Variants in CEP63 observed in about 807,000 individuals in gnomAD.
The protein encoded by CEP63 is centrosomal protein 63.
Under a neutral mutation model 89.1 loss-of-function variants are expected in CEP63, and 84 were observed. That is an observed-to-expected ratio of 0.94 (90% CI 0.79 to 1.13). The LOEUF (loss-of-function observed/expected upper bound fraction) is 1.13, where lower values mean the gene tolerates loss of function less well. Ranked by LOEUF, CEP63 falls within the 50% of genes most tolerant of loss-of-function variation. The pLI, the probability that CEP63 is intolerant of heterozygous loss-of-function variation, is 0.00. For missense variants in CEP63, 838 were observed against 813.3 expected, an observed-to-expected ratio of 1.03 and a Z score of -0.37; for synonymous variants, 267 against 272.5, an observed-to-expected ratio of 0.98 and a Z score of 0.20.
At chr3:134,649,385 G>A in the CEP63 span, among the ~76,000 whole-genome samples, 3 of 152,280 alleles carry the variant, frequency 2.0e-5, no homozygotes, top group South Asian at 6.2e-4. Context: ...GCCTTTAGAA[G>A]TGATGTGATC....
chr3:134,644,239 A>T, the CEP63 span, among the ~76,000 whole-genome samples: 7 of 152,198 alleles, frequency 4.6e-5, no homozygotes, highest in Non-Finnish European at 7.3e-5. Context: ...CAGGGCATGC[A>T]CGCTACACAC....
the CEP63 span, among the ~76,000 whole-genome samples, chr3:134,597,026 G>T: frequency 2.9e-3 from 441 of 152,286 alleles, 1 homozygote; most frequent in Admixed American, 6.5e-3. Flanking sequence ...TACATGGACT[G>T]CCTGGTGTCA....
intron 6 of CEP63, among the ~76,000 whole-genome samples, chr3:134,544,781 G>A (rs530750941): frequency 5.3e-5 from 8 of 152,068 alleles, no homozygotes; most frequent in African/African-American, 1.9e-4. Context: ...TTGAATTTCT[G>A]TGTGAGTAGG....
chr3:134,692,694 C>T, the CEP63 span, among the ~76,000 whole-genome samples: 2 of 152,294 alleles, frequency 1.3e-5, no homozygotes, highest in African/African-American at 4.8e-5. Context: ...TGAGAAGCAC[C>T]AGTTCAAGAT....
the CEP63 span, among the ~76,000 whole-genome samples, chr3:134,716,000 T>C: frequency 6.6e-6 from 1 of 152,048 alleles, no homozygotes; most frequent in African/African-American, 2.4e-5. Flanking sequence ...TCACTATTAA[T>C]CCCCTATAAT....
chr3:134,714,074 G>A, the CEP63 span, among the ~76,000 whole-genome samples: 56 of 152,158 alleles, frequency 3.7e-4, 1 homozygote, highest in Non-Finnish European at 5.9e-5. Flanking sequence ...AGCGGGGAGA[G>A]GGCTTTCAAC....
chr3:134,589,467 T>C (rs1958555387), downstream of CEP63, among the ~76,000 whole-genome samples: 1 of 151,908 alleles, frequency 6.6e-6, no homozygotes, highest in African/African-American at 2.4e-5. Flanking sequence ...TAATACCTAC[T>C]ACCATCATAA....
At chr3:134,555,561 T>TA (rs1242077998) in intron 12 of CEP63, among the ~76,000 whole-genome samples, 1 of 151,608 alleles carries the variant, frequency 6.6e-6, no homozygotes, top group African/African-American at 2.4e-5. Context: ...GAATCCAACT[T>TA]ACAAGGGATG....
At chr3:134,675,899 G>A in the CEP63 span, among the ~76,000 whole-genome samples, 291 of 152,352 alleles carry the variant, frequency 1.9e-3, 3 homozygotes, top group African/African-American at 6.8e-3. Flanking sequence ...TGGCAAAGAT[G>A]CAGAGAAATT....
At chr3:134,641,125 TCC>T in the CEP63 span, 1 of 152,390 alleles carries the variant, frequency 6.6e-6, no homozygotes, top group Non-Finnish European at 1.5e-5. Flanking sequence ...TGGAAGCTCT[TCC>T]CCAGATACCC....
the CEP63 span, among the ~76,000 whole-genome samples, chr3:134,661,659 A>C: frequency 2.0e-4 from 30 of 152,172 alleles, no homozygotes; most frequent in Non-Finnish European, 2.8e-4. Flanking sequence ...CTTTCTGGGA[A>C]GATATTATGA....
the CEP63 span, among the ~76,000 whole-genome samples, chr3:134,746,085 A>T: frequency 6.9e-6 from 1 of 145,974 alleles, no homozygotes; most frequent in African/African-American, 2.5e-5. Flanking sequence ...CCACCCCATG[A>T]CAGGCCCTGG....
At chr3:134,601,363 C>T in the CEP63 span, among the ~76,000 whole-genome samples, 1 of 152,034 alleles carries the variant, frequency 6.6e-6, no homozygotes, top group Non-Finnish European at 1.5e-5. Context: ...CTGCAATGCT[C>T]CAGGATGTAT....
At chr3:134,614,517 A>T in the CEP63 span, among the ~76,000 whole-genome samples, 128 of 152,140 alleles carry the variant, frequency 8.4e-4, no homozygotes, top group Non-Finnish European at 1.4e-3. Flanking sequence ...GAGAAGCCCC[A>T]AGGGCTGCAA....
chr3:134,610,067 G>C, the CEP63 span: 1 of 986,082 alleles, frequency 1.0e-6, no homozygotes, highest in Non-Finnish European at 1.5e-6. Context: ...CCGAGGAGGA[G>C]TGGGCATGGG....
chr3:134,546,059 A>T, intron 7 of CEP63, 90 bp from the exon 8 acceptor site: 1 of 1,401,726 alleles, frequency 7.1e-7, no homozygotes, highest in South Asian at 1.3e-5. Flanking sequence ...AAATTGTAAT[A>T]ATAGCTGGCT....
At chr3:134,691,168 A>G in the CEP63 span, among the ~76,000 whole-genome samples, 1 of 152,032 alleles carries the variant, frequency 6.6e-6, no homozygotes, top group Non-Finnish European at 1.5e-5. Flanking sequence ...CAGCCTGGGT[A>G]ACACGACAAA....
At chr3:134,502,451 G>A (rs975095079) in intron 2 of CEP63, among the ~76,000 whole-genome samples, 4 of 152,046 alleles carry the variant, frequency 2.6e-5, no homozygotes, top group Non-Finnish European at 5.9e-5. Flanking sequence ...CATCTGGTCT[G>A]GGGCTTCTTT....
At chr3:134,781,800 C>A in the CEP63 span, among the ~76,000 whole-genome samples, 1 of 152,194 alleles carries the variant, frequency 6.6e-6, no homozygotes, top group Non-Finnish European at 1.5e-5. Context: ...CCTGTACAGT[C>A]TCTTGGGTTT....
Sources: allele counts gnomAD v4.1 joint callset (sites outside exome capture counted in the v4.1 genomes callset), GRCh38; gene constraint gnomAD v4.1.1; transcripts MANE v1.5; gene names NCBI Gene and HGNC (gene_info 2026-07-23, HGNC 2026-07-21).